CNNM2: variants seen among roughly 807,000 people sequenced by gnomAD.
CNNM2 encodes the protein cyclin and CBS domain divalent metal cation transport mediator 2.
Under a neutral mutation model 66.9 loss-of-function variants are expected in CNNM2, and 12 were observed. The ratio of observed to expected loss-of-function variants is 0.18; its 90% confidence interval spans 0.11 to 0.29. The LOEUF is 0.29. Ranked by LOEUF, CNNM2 falls within the 10% of genes least tolerant of loss-of-function variation. CNNM2 has a pLI of 1.00. For synonymous variants in CNNM2, 557 were observed against 501.8 expected, an observed-to-expected ratio of 1.11 and a Z score of -1.47; for missense variants, 705 against 1,167.7, an observed-to-expected ratio of 0.60 and a Z score of 5.77.
chr10:102,976,031 C>G (rs925003966), intron 1 of CNNM2, among the ~76,000 whole-genome samples: 2 of 152,032 alleles, frequency 1.3e-5, no homozygotes, highest in African/African-American at 2.4e-5. Flanking sequence ...ATTGAGAAAC[C>G]TTGATGGTTT....
At chr10:103,017,963 C>CAAAAAAAAA (rs59984156) in intron 1 of CNNM2, among the ~76,000 whole-genome samples, 15 of 78,858 alleles carry the variant, frequency 1.9e-4, no homozygotes, top group East Asian at 6.1e-4. Context: ...GAATCTGTCT[C>CAAAAAAAAA]AAAAAAAAAA....
chr10:102,954,945 G>A (rs568228675), intron 1 of CNNM2, among the ~76,000 whole-genome samples: 3 of 152,026 alleles, frequency 2.0e-5, no homozygotes, highest in African/African-American at 4.8e-5. Context: ...TGAAAATGGC[G>A]ATACTGCCCA....
In CNNM2 at chr10:103,081,222, CT is replaced by C. The variant is rs1295136864; in HGVS notation, c.*4045del. The C allele has an allele frequency of 6.6e-6, 1 of 152,234 alleles. No individual in the cohort carries two copies. Among genetic ancestry groups the C allele is most frequent in the Non-Finnish European group, 1.5e-5 (1 of 68,080 alleles). The allele number at this position is 152,234 out of a possible 1,614,324, so 9.4% of individuals were successfully genotyped here. A position where few individuals can be genotyped will look rare whatever the true frequency, so the allele number is the denominator to read the frequency against. On this transcript the variant is annotated 3_prime_UTR_variant, in exon 8 of 8. Coordinates refer to ENST00000369878, the MANE Select transcript of CNNM2 (RefSeq NM_017649.5). Reference sequence around the variant, plus strand: ...CTTTTGAGCCCAGATATGGGCTTTTCTTTGCAAAGGGTTGAGGAGAAATACA... The same window carrying C: ...CTTTTGAGCCCAGATATGGGCTTTTCTTGCAAAGGGTTGAGGAGAAATACA...
chr10:103,033,834 G>C (rs1163352744), intron 1 of CNNM2, among the ~76,000 whole-genome samples: 1 of 152,174 alleles, frequency 6.6e-6, no homozygotes, highest in Non-Finnish European at 1.5e-5. Context: ...CATGGGAATG[G>C]TGAGTAGGAA....
At chr10:103,015,116 T>G (rs1232390177) in intron 1 of CNNM2, among the ~76,000 whole-genome samples, 1 of 152,200 alleles carries the variant, frequency 6.6e-6, no homozygotes, top group Non-Finnish European at 1.5e-5. Flanking sequence ...TACACTTGCT[T>G]AAATACAACT....
chr10:102,957,908 C>T (rs1210269867), intron 1 of CNNM2, among the ~76,000 whole-genome samples: 1 of 152,140 alleles, frequency 6.6e-6, no homozygotes, highest in Non-Finnish European at 1.5e-5. Flanking sequence ...GTTGGAAGTG[C>T]TGAGTTGTGG....
At chr10:103,042,241 A>G (rs1398098668) in intron 1 of CNNM2, among the ~76,000 whole-genome samples, 1 of 152,164 alleles carries the variant, frequency 6.6e-6, no homozygotes, top group Non-Finnish European at 1.5e-5. Flanking sequence ...TCCAGAATGC[A>G]GGTACTTCTC....
intron 1 of CNNM2, among the ~76,000 whole-genome samples, chr10:103,033,178 ATTTAT>A (rs1348388663): frequency 1.3e-5 from 2 of 151,730 alleles, no homozygotes; most frequent in African/African-American, 4.8e-5. Flanking sequence ...CATTTTTTAA[ATTTAT>A]TTTATTTTTA....
At chr10:103,012,061 C>T (rs1049780454) in intron 1 of CNNM2, among the ~76,000 whole-genome samples, 14 of 152,252 alleles carry the variant, frequency 9.2e-5, no homozygotes, top group African/African-American at 3.4e-4. Context: ...CAGATCAGCA[C>T]ACTCTTCAGA....
intron 1 of CNNM2, among the ~76,000 whole-genome samples, chr10:103,045,847 G>A (rs935082994): frequency 1.3e-5 from 2 of 152,114 alleles, no homozygotes; most frequent in South Asian, 2.1e-4. Flanking sequence ...TTCTTACTAT[G>A]TTGCCCAGGC....
intron 1 of CNNM2, among the ~76,000 whole-genome samples, chr10:103,004,091 G>A (rs542800026): frequency 2.6e-4 from 11 of 42,230 alleles, no homozygotes; most frequent in East Asian, 1.5e-3. Context: ...CCCCACCCCC[G>A]CCCCGGGTTC....
intron 6 of CNNM2, among the ~76,000 whole-genome samples, chr10:103,074,773 A>G (rs1012523695): frequency 2.0e-5 from 3 of 152,170 alleles, no homozygotes; most frequent in African/African-American, 7.2e-5. Flanking sequence ...GGTTGAAGCT[A>G]CAGTGAGCCA....
Position 102,920,376 on chromosome 10 carries a change from A to AT in CNNM2, c.1621+288dup, listed in dbSNP as rs752188951. 0.041 allele frequency among the ~76,000 whole-genome samples: 5,931 copies of AT among 143,392 alleles called. 341 individuals are homozygous for AT. Among genetic ancestry groups the AT allele is most frequent in the African/African-American group, 0.13 (5,131 of 39,664 alleles). The allele number at this position is 143,392 out of a possible 152,430, so 94.1% of individuals were successfully genotyped here. A position where few individuals can be genotyped will look rare whatever the true frequency, so the allele number is the denominator to read the frequency against. ...TAATTTCTGTGCATGACACTTATTT[A>AT]TTTTTTTTTTTTTGGTCCCGTGTGT... On this transcript the variant is annotated intron_variant, in intron 1 of 7. Coordinates refer to ENST00000369878, the MANE Select transcript of CNNM2 (RefSeq NM_017649.5).
At chr10:102,954,213 G>A (rs993161840) in intron 1 of CNNM2, among the ~76,000 whole-genome samples, 1 of 146,056 alleles carries the variant, frequency 6.8e-6, no homozygotes, top group African/African-American at 2.6e-5. Context: ...CTTTAGCCTC[G>A]ACCTCCTGGG....
At chr10:102,960,186 C>G (rs1048594607) in intron 1 of CNNM2, among the ~76,000 whole-genome samples, 1 of 152,070 alleles carries the variant, frequency 6.6e-6, no homozygotes, top group African/African-American at 2.4e-5. Flanking sequence ...TGCTACGTGC[C>G]CAGGAAAAGT....
At chr10:102,956,733 C>T (rs1295471427) in intron 1 of CNNM2, among the ~76,000 whole-genome samples, 1 of 152,100 alleles carries the variant, frequency 6.6e-6, no homozygotes, top group Non-Finnish European at 1.5e-5. Context: ...GAAAACCAAA[C>T]ACTGCATGTT....
At chr10:102,920,189 C>G (rs552611833) in intron 1 of CNNM2, 88 bp downstream of exon 1, 1 of 1,610,764 alleles carries the variant, frequency 6.2e-7, no homozygotes. Flanking sequence ...GACCAACCCC[C>G]CAAGGCGAGT....
intron 1 of CNNM2, among the ~76,000 whole-genome samples, chr10:102,975,365 T>C (rs558718171): frequency 1.3e-5 from 2 of 151,522 alleles, no homozygotes; most frequent in African/African-American, 4.9e-5. Context: ...AGCCAGCAGA[T>C]GTACTTCAGC....
chr10:103,012,066 T>C (rs879582013), intron 1 of CNNM2, among the ~76,000 whole-genome samples: 2 of 152,162 alleles, frequency 1.3e-5, no homozygotes, highest in Non-Finnish European at 2.9e-5. Context: ...CAGCACACTC[T>C]TCAGAGGCAG....
Sources: gnomAD v4.1 joint callset for allele counts (sites outside exome capture counted in the v4.1 genomes callset) on GRCh38, gnomAD v4.1.1 for gene constraint, MANE v1.5 for transcripts, NCBI Gene and HGNC (gene_info 2026-07-23, HGNC 2026-07-21) for gene names.